ANK2: variants seen among roughly 807,000 people sequenced by gnomAD.
ANK2 encodes ankyrin 2, also known as ankyrin-2.
Under a neutral mutation model 360.5 loss-of-function variants are expected in ANK2, and 83 were observed. That is an observed-to-expected ratio of 0.23 (90% CI 0.19 to 0.28). The LOEUF is 0.28. Ranked by LOEUF, ANK2 falls within the 10% of genes least tolerant of loss-of-function variation. ANK2 has a pLI of 1.00. For missense variants in ANK2, 4,201 were observed against 4,795.7 expected, an observed-to-expected ratio of 0.88 and a Z score of 3.66; for synonymous variants, 1,740 against 1,759.5, an observed-to-expected ratio of 0.99 and a Z score of 0.28.
At chr4:112,865,330 T>C (rs2070090129) in intron 1 of ANK2, among the ~76,000 whole-genome samples, 1 of 152,122 alleles carries the variant, frequency 6.6e-6, no homozygotes, top group Non-Finnish European at 1.5e-5. Flanking sequence ...AGCTCTGTTA[T>C]TATAATTACA....
At chr4:113,360,543 T>C (rs1483455741) in intron 38 of ANK2, among the ~76,000 whole-genome samples, 2 of 152,086 alleles carry the variant, frequency 1.3e-5, no homozygotes, top group African/African-American at 4.8e-5. Context: ...TCCAATAATT[T>C]AAAAGTCATA....
intron 45 of ANK2, among the ~76,000 whole-genome samples, chr4:113,374,096 G>A (rs959290274): frequency 2.0e-5 from 3 of 152,062 alleles, no homozygotes; most frequent in Admixed American, 2.0e-4. Flanking sequence ...GCTAATTTTT[G>A]TATTTTTAGT....
At position 112,858,049 on chromosome 4, in the gene ANK2, A is replaced by G. The variant is rs186758089; in HGVS notation, c.-40+39785A>G. Among the ~76,000 whole-genome samples, 332 of 152,198 alleles carry G rather than the reference A, an allele frequency of 2.2e-3. 2 individuals are homozygous for G. The highest frequency in any genetic ancestry group is 2.4e-3 in the Non-Finnish European group (161 of 68,000). ...TAGTTCCTAGTTTCAAAACATATAT[A>G]TATGTTCTTGTCACATTGTAAAGAA... On this transcript the variant is annotated intron_variant, in intron 1 of 30. Coordinates refer to the ANK2 transcript ENST00000503271.
At position 113,277,886 on chromosome 4, in the gene ANK2, T is replaced by A. The variant is rs1180989901; in HGVS notation, c.1733T>A (p.Val578Glu). ...HVAAKYGSLD[V>E]AKLLLQRRAA... Reference sequence around the variant, plus strand: ...GCAGCCAAGTATGGAAGCCTGGATGTGGCAAAACTTCTCTTGCAACGCCGT... The same window carrying A: ...GCAGCCAAGTATGGAAGCCTGGATGAGGCAAAACTTCTCTTGCAACGCCGT... The change falls in exon 16 of 46, where the codon GTG becomes GAG. Residue 578 changes from valine to glutamate, a missense_variant. By Grantham distance (121) the Val-to-Glu change is moderately radical (BLOSUM62 -2). Transcript: ENST00000357077. The A allele has an allele frequency of 6.2e-7, 1 of 1,614,106 alleles. No individual in the cohort carries two copies. The highest frequency in any genetic ancestry group is 8.5e-7 in the Non-Finnish European group (1 of 1,179,940).
intron 7 of ANK2, among the ~76,000 whole-genome samples, chr4:113,239,577 G>A (rs2099408956): frequency 6.6e-6 from 1 of 152,020 alleles, no homozygotes; most frequent in Non-Finnish European, 1.5e-5. Flanking sequence ...AGATCTTTGT[G>A]TACTTTAATA....
intron 2 of ANK2, among the ~76,000 whole-genome samples, chr4:112,952,381 T>C (rs780994572): frequency 1.3e-5 from 2 of 152,212 alleles, no homozygotes; most frequent in African/African-American, 4.8e-5. Context: ...GCTTGCAAAA[T>C]TGAAAATTTA....
intron 45 of ANK2, among the ~76,000 whole-genome samples, chr4:113,377,687 C>T (rs1298310397): frequency 6.6e-6 from 1 of 152,164 alleles, no homozygotes; most frequent in African/African-American, 2.4e-5. Flanking sequence ...TTTCAGTTTT[C>T]ACATTTTGAC....
At chr4:112,993,792 C>T (rs1002514836) in intron 2 of ANK2, among the ~76,000 whole-genome samples, 10 of 152,014 alleles carry the variant, frequency 6.6e-5, no homozygotes, top group Admixed American at 3.9e-4. Context: ...CTGCAACCTC[C>T]GTCACCTGGG....
chr4:113,248,094 A>C, intron 9 of ANK2, among the ~76,000 whole-genome samples: 1 of 152,236 alleles, frequency 6.6e-6, no homozygotes, highest in East Asian at 1.9e-4. Flanking sequence ...TTAGGTACCC[A>C]AAACTGCAAA....
At chr4:113,154,977 C>G (rs868609788) in intron 1 of ANK2, among the ~76,000 whole-genome samples, 5 of 152,018 alleles carry the variant, frequency 3.3e-5, no homozygotes, top group African/African-American at 9.7e-5. Context: ...TCTATTCTAC[C>G]CAGGATCACA....
chr4:113,188,836 A>G (rs10488904), intron 2 of ANK2, among the ~76,000 whole-genome samples: 1 of 151,994 alleles, frequency 6.6e-6, no homozygotes, highest in Non-Finnish European at 1.5e-5. Flanking sequence ...GTTTCCAAAG[A>G]TGGATATATT....
chr4:112,778,043 C>A, the ANK2 span, among the ~76,000 whole-genome samples: 11 of 151,880 alleles, frequency 7.2e-5, no homozygotes, highest in South Asian at 1.2e-3. Flanking sequence ...GATCTCGGCT[C>A]ACTGCAACCT....
upstream of ANK2, among the ~76,000 whole-genome samples, chr4:113,048,277 T>TATATATATA (rs1491332643): frequency 5.9e-5 from 2 of 33,822 alleles, no homozygotes; most frequent in African/African-American, 1.3e-4. Context: ...TATATATATA[T>TATATATATA]TTTTTTTTTT....
In ANK2 at chr4:113,356,182, C is replaced by T; in HGVS notation, c.7564C>T (p.Leu2522Phe). ...DPDGSAEDDS[L>F]EQTSLMESSG... The stretch of plus-strand genomic sequence containing the variant: ...TGATGGCAGTGCTGAGGATGACAGT[C>T]TTGAGCAGACATCGCTCATGGAGAG... The change falls in exon 38 of 46, where the codon CTT (leucine) becomes TTT (phenylalanine). Residue 2522 changes from leucine to phenylalanine, a missense_variant. By Grantham distance (22) the Leu-to-Phe change is conservative. This residue lies in a region of ANK2 where 2,642 missense variants were observed against 2,714.5 expected (regional missense o/e 0.97). Transcript: ENST00000357077. 1.2e-6 allele frequency: 2 copies of T among 1,614,012 alleles called. No individual in the cohort carries two copies. The highest frequency in any genetic ancestry group is 1.7e-6 in the Non-Finnish European group (2 of 1,179,976).
rs2154066982 is a variant in ANK2 at position 113,369,729 on chromosome 4, G to C, written c.11534G>C (p.Ser3845Thr). Residue 3845 changes from serine to threonine, a missense_variant, in exon 43 of 46, where the codon AGC becomes ACC. Ser to Thr is a moderately conservative substitution (Grantham distance 58, BLOSUM62 1). Coordinates refer to ENST00000357077, the MANE Select transcript of ANK2 (RefSeq NM_001148.6). Reference sequence around the variant, plus strand: ...GAGGAGAGCTCTCCGCGGAAAACCAGCCTCGTAATAGTGGAGTCTGCCGAT... The same window carrying C: ...GAGGAGAGCTCTCCGCGGAAAACCACCCTCGTAATAGTGGAGTCTGCCGAT... ...HREESSPRKT[S>T]LVIVESADNQ... 1 of 1,614,126 alleles carries C rather than the reference G, an allele frequency of 6.2e-7. No homozygotes were observed. Among genetic ancestry groups the C allele is most frequent in the Non-Finnish European group, 8.5e-7 (1 of 1,180,022 alleles).
chr4:113,249,711 A>G, intron 9 of ANK2, 53 bp from the exon 10 acceptor site: 2 of 1,552,102 alleles, frequency 1.3e-6, no homozygotes. Flanking sequence ...AATAGATGAA[A>G]TATAGATTTT....
intron 2 of ANK2, among the ~76,000 whole-genome samples, chr4:112,925,648 G>T (rs551255439): frequency 9.9e-4 from 151 of 152,146 alleles, no homozygotes; most frequent in African/African-American, 3.5e-3. Context: ...AAAATCAAAA[G>T]GTATAAGTAT....
chr4:112,878,545 C>G (rs938012512), intron 1 of ANK2, among the ~76,000 whole-genome samples: 1 of 152,024 alleles, frequency 6.6e-6, no homozygotes, highest in Non-Finnish European at 1.5e-5. Context: ...AGACTGGTCT[C>G]AAACTCCTGA....
intron 2 of ANK2, among the ~76,000 whole-genome samples, chr4:113,020,716 C>T (rs936183893): frequency 2.6e-5 from 4 of 151,570 alleles, no homozygotes; most frequent in African/African-American, 4.8e-5. Flanking sequence ...ATTCCAGCTA[C>T]TCGGGAGACT....
Sources: gnomAD v4.1 joint callset for allele counts (sites outside exome capture counted in the v4.1 genomes callset) on GRCh38, gnomAD v4.1.1 for gene constraint, gnomAD v4.1.1 regional missense constraint, MANE v1.5 for transcripts, NCBI Gene and HGNC (gene_info 2026-07-23, HGNC 2026-07-21) for gene names.